Variants in FNIP1 observed in about 807,000 individuals in gnomAD.
FNIP1 encodes the protein folliculin-interacting protein 1.
Under a neutral mutation model 124.5 loss-of-function variants are expected in FNIP1, and 40 were observed. The observed-to-expected ratio is 0.32, with a 90% confidence interval of 0.25 to 0.42. The LOEUF is 0.42. Ranked by LOEUF, FNIP1 falls within the 10% of genes least tolerant of loss-of-function variation. FNIP1 has a pLI of 1.00. For missense variants in FNIP1, 1,176 were observed against 1,403.7 expected (o/e 0.84, Z 2.59); for synonymous variants, 472 against 470.6 (o/e 1.00, Z -0.04).
In FNIP1 at chr5:131,679,061, G is replaced by A. The variant is rs759298401; in HGVS notation, c.1317C>T (p.Phe439=). The A allele has an allele frequency of 1.9e-6, 3 of 1,611,514 alleles. No individual in the cohort carries two copies. The highest frequency in any genetic ancestry group is 2.5e-6 in the Non-Finnish European group (3 of 1,178,996). ...TGGAAGCATTTTCCATTAGAAAGGT[G>A]AACTCCTTCATGAAACGATAGCAAA... The part of the protein sequence containing the change: ...NHLCYRFMKE[F]TFLMENASKN... The change falls in exon 12 of 18, where the codon TTC becomes TTT. Residue 439 remains phenylalanine, a synonymous_variant. Transcript: ENST00000510461.
chr5:131,781,903 A>C (rs1448784512), intron 1 of FNIP1, among the ~76,000 whole-genome samples: 1 of 152,200 alleles, frequency 6.6e-6, no homozygotes, highest in Non-Finnish European at 1.5e-5. Context: ...CATGACTGTA[A>C]ATCCCAACAC....
At chr5:131,678,897 T>C in intron 12 of FNIP1, 132 bp downstream of exon 12, 1 of 645,682 alleles carries the variant, frequency 1.5e-6, no homozygotes, top group Non-Finnish European at 2.5e-6. Context: ...CATTTAATTA[T>C]TTTTTAGAAT....
chr5:131,664,392 T>C (rs1767530787), intron 15 of FNIP1, among the ~76,000 whole-genome samples: 1 of 152,136 alleles, frequency 6.6e-6, no homozygotes, highest in South Asian at 2.1e-4. Context: ...ACAAGATTTT[T>C]GGGAGGCCGA....
rs182793635 is a variant in FNIP1, at chr5:131,648,894, G to A, written c.3307-1689C>T. Among the ~76,000 whole-genome samples, 68 of 152,218 alleles carry A rather than the reference G, an allele frequency of 4.5e-4. 3 individuals are homozygous for A. Among genetic ancestry groups the A allele is most frequent in the Admixed American group, 3.7e-3 (56 of 15,298 alleles). ...TGCCTATTTGTGGTACCTCATATAA[G>A]TGGAATCATACAATATTTGTCCTTT... On this transcript the variant is annotated intron_variant, in intron 16 of 17. Coordinates refer to ENST00000510461, the MANE Select transcript of FNIP1 (RefSeq NM_133372.3).
intron 15 of FNIP1, among the ~76,000 whole-genome samples, chr5:131,665,193 T>C (rs980333990): frequency 1.3e-5 from 2 of 152,140 alleles, no homozygotes; most frequent in African/African-American, 4.8e-5. Flanking sequence ...GAGGCTTTCC[T>C]AGAGTAAGTA....
At chr5:131,716,142 G>A (rs373461356) in intron 6 of FNIP1, among the ~76,000 whole-genome samples, 4 of 152,166 alleles carry the variant, frequency 2.6e-5, no homozygotes, top group African/African-American at 9.7e-5. Flanking sequence ...GCTCATCTGA[G>A]TTACAGGTCA....
intron 11 of FNIP1, among the ~76,000 whole-genome samples, chr5:131,685,224 T>C (rs1023540590): frequency 2.6e-5 from 4 of 152,052 alleles, no homozygotes; most frequent in Non-Finnish European, 4.4e-5. Context: ...AACCCCATTA[T>C]ACAACATATT....
intron 1 of FNIP1, among the ~76,000 whole-genome samples, chr5:131,789,901 T>C (rs757957153): frequency 1.3e-5 from 2 of 152,252 alleles, no homozygotes; most frequent in Non-Finnish European, 2.9e-5. Flanking sequence ...TCTTCCATTC[T>C]GTAGTTTTAA....
At chr5:131,678,701 C>T (rs563924479) in intron 12 of FNIP1, among the ~76,000 whole-genome samples, 3 of 152,254 alleles carry the variant, frequency 2.0e-5, no homozygotes, top group South Asian at 2.1e-4. Flanking sequence ...TGAGCCATCA[C>T]GCCTGGCCAT....
intron 11 of FNIP1, among the ~76,000 whole-genome samples, chr5:131,693,008 A>G (rs1364720547): frequency 6.6e-6 from 1 of 151,704 alleles, no homozygotes; most frequent in Non-Finnish European, 1.5e-5. Flanking sequence ...ACTGTCTAAA[A>G]AAAAAATAAA....
At chr5:131,673,646 A>G (rs1767830642) in intron 13 of FNIP1, among the ~76,000 whole-genome samples, 1 of 152,214 alleles carries the variant, frequency 6.6e-6, no homozygotes. Context: ...GACAAAGCAC[A>G]ATATCCACTG....
At position 131,730,907 on chromosome 5, in the gene FNIP1, G is replaced by C; in HGVS notation, c.351C>G (p.Tyr117Ter). 1 of 1,598,854 alleles carries C rather than the reference G, an allele frequency of 6.3e-7. No homozygotes were observed. Among genetic ancestry groups the C allele is most frequent in the Non-Finnish European group, 8.5e-7 (1 of 1,173,368 alleles). The change falls in exon 3 of 18, where the codon TAC becomes TAG. Residue 117 changes from tyrosine (Y) to a stop codon, truncating the protein, a stop_gained. Transcript: ENST00000510461. LOFTEE classifies it high-confidence loss of function. ...SSDIKDQCLK[Y>*]QGSRCSSDAN... ...TAAATGACATCAATGATCTTACCTG[G>C]TACTTAAGACACTGGTCTTTTATAT...
At chr5:131,694,977 C>T (rs1041014811) in intron 11 of FNIP1, among the ~76,000 whole-genome samples, 6 of 151,874 alleles carry the variant, frequency 4.0e-5, no homozygotes, top group East Asian at 1.9e-4. Flanking sequence ...TAGTAGTGCA[C>T]GCCTGTAAAC....
rs539594347 is a variant in FNIP1 at position 131,716,307 on chromosome 5, A to G, written c.622+258T>C. On this transcript the variant is annotated intron_variant, in intron 6 of 17. Coordinates refer to ENST00000510461, the MANE Select transcript of FNIP1 (RefSeq NM_133372.3). ...AAAGATGCATCAAATTTAACAACGA[A>G]AAACAATGAAGACAAATTAGATATA... Among the ~76,000 whole-genome samples the G allele has an allele frequency of 2.6e-5, 4 of 152,322 alleles. No individual in the cohort carries two copies. The East Asian group carries it at 7.7e-4, about 29-fold the overall frequency.
chr5:131,693,061 T>C (rs950978489), intron 11 of FNIP1, among the ~76,000 whole-genome samples: 1 of 150,310 alleles, frequency 6.7e-6, no homozygotes, highest in Non-Finnish European at 1.5e-5. Context: ...CTATTACACA[T>C]CATGGCAACT....
chr5:131,649,570 T>C (rs1001935264), intron 16 of FNIP1, among the ~76,000 whole-genome samples: 1 of 152,220 alleles, frequency 6.6e-6, no homozygotes, highest in Non-Finnish European at 1.5e-5. Flanking sequence ...TTTTGAGATA[T>C]ATGATTTGCA....
intron 1 of FNIP1, among the ~76,000 whole-genome samples, chr5:131,779,366 T>A (rs1771919241): frequency 6.6e-6 from 1 of 152,044 alleles, no homozygotes; most frequent in African/African-American, 2.4e-5. Flanking sequence ...AAGATTCATA[T>A]TCAAGGATGT....
chr5:131,670,593 A>G lies in FNIP1; in HGVS notation c.2978T>C (p.Ile993Thr), dbSNP rs2058819810. The change falls in exon 15 of 18, where the codon ATT becomes ACT. Residue 993 changes from isoleucine to threonine, a missense_variant. Transcript: ENST00000510461. The part of the protein sequence containing the change: ...LIEVSAVQPN[I>T]ANFGRSLLGG... ...CAGCAAGGACCTCCCGAAGTTGGCA[A>G]TGTTGGGCTGAACAGCACTCACTTC... 4 of 1,613,528 alleles carry G rather than the reference A, an allele frequency of 2.5e-6. No individual in the cohort carries two copies. The African/African-American group carries it at 4.0e-5, about 16-fold the overall frequency.
intron 1 of FNIP1, among the ~76,000 whole-genome samples, chr5:131,791,997 C>CCACTT (rs1772421455): frequency 6.6e-6 from 1 of 152,134 alleles, no homozygotes; most frequent in Admixed American, 6.5e-5. Context: ...ACTGATATAA[C>CCACTT]AGTAACAACT....
Sources: allele counts gnomAD v4.1 joint callset (sites outside exome capture counted in the v4.1 genomes callset), GRCh38; gene constraint gnomAD v4.1.1; transcripts MANE v1.5; gene names NCBI Gene and HGNC (gene_info 2026-07-23, HGNC 2026-07-21).